The following ADAMTSL3 variants were observed in gnomAD, a reference collection of about 807,000 sequenced individuals.
ADAMTSL3 encodes ADAMTS-like protein 3.
In ADAMTSL3, 128 loss-of-function variants were observed where a neutral mutation model predicts 201.7. The observed-to-expected ratio is 0.63, with a 90% confidence interval of 0.55 to 0.73. ADAMTSL3 has a LOEUF of 0.73. Among genes scored for constraint, ADAMTSL3 ranks in the 30% least tolerant of loss-of-function variants. ADAMTSL3 has a pLI of 0.00. For missense variants in ADAMTSL3, 1,990 were observed against 2,119.6 expected, an observed-to-expected ratio of 0.94 and a Z score of 1.20; for synonymous variants, 738 against 748.4, an observed-to-expected ratio of 0.99 and a Z score of 0.23.
intron 5 of ADAMTSL3, among the ~76,000 whole-genome samples, chr15:83,805,407 C>T (rs1444087749): frequency 2.0e-5 from 3 of 151,774 alleles, no homozygotes; most frequent in Admixed American, 6.6e-5. Context: ...AAAATACAAA[C>T]TTAGCTGGGC....
chr15:83,943,076 G>T lies in ADAMTSL3; in HGVS notation c.2484G>T (p.Trp828Cys). The change falls in exon 19 of 30, where the codon TGG (tryptophan) becomes TGT (cysteine). Residue 828 changes from tryptophan (W) to cysteine (C), a missense_variant. By Grantham distance (215) the Trp-to-Cys change is radical. Coordinates refer to ENST00000286744, the MANE Select transcript of ADAMTSL3 (RefSeq NM_207517.3). ...CTCCACATTTAGCTGTGGGAGACTG[G>T]TCGAAGGTAAGGGCCAGGCTCAACT... Reference protein sequence around the residue: ...DCPPHLAVGDWSKCSVSCGVG... With the variant: ...DCPPHLAVGDCSKCSVSCGVG... 2 of 1,609,280 alleles carry T rather than the reference G, an allele frequency of 1.2e-6. No homozygotes were observed. The highest frequency in any genetic ancestry group is 1.7e-6 in the Non-Finnish European group (2 of 1,178,262).
At chr15:83,725,702 A>G (rs2062163129) in intron 3 of ADAMTSL3, among the ~76,000 whole-genome samples, 1 of 152,036 alleles carries the variant, frequency 6.6e-6, no homozygotes, top group South Asian at 2.1e-4. Context: ...AAATGAGTTC[A>G]CTGTAGAAGT....
At chr15:83,988,886 T>C in intron 22 of ADAMTSL3, 68 bp downstream of exon 22, 1 of 995,700 alleles carries the variant, frequency 1.0e-6, no homozygotes, top group Non-Finnish European at 1.3e-6. Flanking sequence ...TTTATTTATT[T>C]ATTTTTTTTT....
chr15:83,973,936 GT>G (rs1446246223), intron 20 of ADAMTSL3, among the ~76,000 whole-genome samples: 3 of 152,154 alleles, frequency 2.0e-5, no homozygotes, highest in Non-Finnish European at 2.9e-5. Flanking sequence ...CTTTGGAGGG[GT>G]AATTTTTCTT....
chr15:83,792,326 A>G (rs72746936), intron 4 of ADAMTSL3, among the ~76,000 whole-genome samples: 13,374 of 152,232 alleles, frequency 0.088, 734 homozygotes, highest in East Asian at 0.24. Context: ...AATGCAACCT[A>G]AACCACAATG....
chr15:83,659,321 T>G (rs1240305944), intron 2 of ADAMTSL3, among the ~76,000 whole-genome samples: 1 of 152,188 alleles, frequency 6.6e-6, no homozygotes. Context: ...ATTTTGAAAA[T>G]TTCAAAACAC....
In ADAMTSL3 at chr15:83,915,237, C is replaced by T. The variant is rs376388068; in HGVS notation, c.1987+1859C>T. Among the ~76,000 whole-genome samples, 75 of 152,270 alleles carry T rather than the reference C, an allele frequency of 4.9e-4. 1 individual carries two copies. In the East Asian group the frequency reaches 7.7e-3, roughly 16 times the overall value. On this transcript the variant is annotated intron_variant, in intron 16 of 29. Transcript: ENST00000286744. ...GGTGCTGTTGGTAGAATCCCTGTTT[C>T]ATCTTCTTCTCCTGACTGGCAAGAT...
In ADAMTSL3 at chr15:83,740,055, T is replaced by A. The variant is rs142944762; in HGVS notation, c.190-33468T>A. On this transcript the variant is annotated intron_variant, in intron 3 of 29. Transcript: ENST00000286744. ...ATTGTCAGCTCTTGAACCCTGAGCA[T>A]TGCATCACAGGTAAGGAATACCTAT... 3.6e-4 allele frequency: 119 copies of A among 334,450 alleles called. 1 individual carries two copies. The East Asian group carries it at 7.6e-3, about 21-fold the overall frequency. The allele number at this position is 334,450 out of a possible 1,614,324, so 20.7% of individuals were successfully genotyped here.
chr15:83,822,914 T>C (rs887354930), intron 6 of ADAMTSL3, among the ~76,000 whole-genome samples: 6 of 152,128 alleles, frequency 3.9e-5, no homozygotes, highest in Admixed American at 3.9e-4. Flanking sequence ...CATTGAGCAC[T>C]GAGTGAAGCA....
At chr15:83,954,440 T>C (rs1297332841) in intron 19 of ADAMTSL3, among the ~76,000 whole-genome samples, 1 of 152,230 alleles carries the variant, frequency 6.6e-6, no homozygotes, top group Non-Finnish European at 1.5e-5. Context: ...TTTTCTATAT[T>C]GTCTTGAATT....
chr15:83,809,810 C>G (rs945538350), intron 5 of ADAMTSL3, among the ~76,000 whole-genome samples: 4 of 152,180 alleles, frequency 2.6e-5, no homozygotes, highest in Non-Finnish European at 4.4e-5. Context: ...CCACTTTTCT[C>G]AATTGGCTGT....
chr15:84,025,862 A>G (rs1183308567), intron 27 of ADAMTSL3, among the ~76,000 whole-genome samples: 1 of 152,226 alleles, frequency 6.6e-6, no homozygotes, highest in Non-Finnish European at 1.5e-5. Context: ...TAAAAATATA[A>G]CACATTATTG....
intron 23 of ADAMTSL3, among the ~76,000 whole-genome samples, chr15:83,997,350 A>G (rs2067706022): frequency 1.3e-5 from 2 of 152,096 alleles, no homozygotes; most frequent in African/African-American, 4.8e-5. Flanking sequence ...CACTTTGGGA[A>G]GTCGAGGCAG....
chr15:83,808,788 A>G (rs1359019816), intron 5 of ADAMTSL3, among the ~76,000 whole-genome samples: 1 of 152,190 alleles, frequency 6.6e-6, no homozygotes, highest in African/African-American at 2.4e-5. Context: ...ATGAAATACT[A>G]TGCAGCCGTA....
intron 15 of ADAMTSL3, among the ~76,000 whole-genome samples, chr15:83,903,350 C>T (rs1016841208): frequency 6.7e-6 from 1 of 150,280 alleles, no homozygotes; most frequent in Non-Finnish European, 1.5e-5. Context: ...CATTGTTGTG[C>T]ACCCATCACC....
At chr15:83,907,229 A>G (rs759656933) in intron 15 of ADAMTSL3, among the ~76,000 whole-genome samples, 1 of 152,062 alleles carries the variant, frequency 6.6e-6, no homozygotes, top group African/African-American at 2.4e-5. Context: ...TTCCTACATG[A>G]GCTATATGAA....
chr15:83,700,601 TA>T (rs901701347), intron 2 of ADAMTSL3, among the ~76,000 whole-genome samples: 53 of 152,184 alleles, frequency 3.5e-4, no homozygotes, highest in Non-Finnish European at 6.3e-4. Flanking sequence ...CCGTCTCTAC[TA>T]AAAATACAAA....
intron 23 of ADAMTSL3, among the ~76,000 whole-genome samples, chr15:84,001,697 T>C (rs1176349639): frequency 6.6e-6 from 1 of 152,026 alleles, no homozygotes; most frequent in African/African-American, 2.4e-5. Flanking sequence ...GGCTTAGGGG[T>C]GGGCAACAGG....
chr15:84,031,293 G>A, intron 27 of ADAMTSL3, 42 bp from the exon 28 acceptor site: 1 of 1,581,090 alleles, frequency 6.3e-7, no homozygotes, highest in African/African-American at 1.3e-5. Context: ...CAGCATGGAT[G>A]AGCTTGCAGG....
Sources: gnomAD v4.1 joint callset for allele counts (sites outside exome capture counted in the v4.1 genomes callset) on GRCh38, gnomAD v4.1.1 for gene constraint, MANE v1.5 for transcripts, NCBI Gene and HGNC (gene_info 2026-07-23, HGNC 2026-07-21) for gene names.